The following ST8SIA6 variants were observed in gnomAD, a reference collection of about 807,000 sequenced individuals.
ST8SIA6 encodes alpha-2,8-sialyltransferase 8F.
ST8SIA6 carries 39 observed loss-of-function variants against 33.6 expected under a neutral mutation model. That is an observed-to-expected ratio of 1.16 (90% confidence interval 0.90 to 1.52). ST8SIA6 has a LOEUF of 1.52. ST8SIA6 is among the 40% of genes most tolerant of loss of function. ST8SIA6 has a pLI of 0.00. For missense variants in ST8SIA6, 441 were observed against 443.8 expected, an observed-to-expected ratio of 0.99 and a Z score of 0.06; for synonymous variants, 172 against 167.2, an observed-to-expected ratio of 1.03 and a Z score of -0.22.
intron 4 of ST8SIA6, among the ~76,000 whole-genome samples, chr10:17,354,771 A>G (rs189735292): frequency 2.2e-4 from 34 of 152,294 alleles, no homozygotes; most frequent in Non-Finnish European, 3.8e-4. Context: ...CCTTAGAAAT[A>G]CATTAGTCCA....
chr10:17,374,324 T>G (rs1480978234), intron 3 of ST8SIA6, among the ~76,000 whole-genome samples: 1 of 152,146 alleles, frequency 6.6e-6, no homozygotes, highest in Non-Finnish European at 1.5e-5. Context: ...ATGTACTCTT[T>G]GAAGTACAGA....
intron 2 of ST8SIA6, among the ~76,000 whole-genome samples, chr10:17,411,592 C>A (rs969801085): frequency 6.6e-6 from 1 of 152,194 alleles, no homozygotes; most frequent in Non-Finnish European, 1.5e-5. Context: ...TTTGGAATAA[C>A]CTGCATCTAG....
chr10:17,438,593 A>G (rs881774), intron 2 of ST8SIA6, among the ~76,000 whole-genome samples: 16,911 of 152,164 alleles, frequency 0.11, 1,017 homozygotes, highest in South Asian at 0.18. Context: ...GCTAGCTGAG[A>G]CTTTCCAGTC....
At chr10:17,422,129 G>T (rs995051344) in intron 2 of ST8SIA6, among the ~76,000 whole-genome samples, 1 of 151,880 alleles carries the variant, frequency 6.6e-6, no homozygotes, top group African/African-American at 2.4e-5. Context: ...TTAATCAAGA[G>T]AACAATCTTT....
At chr10:17,426,930 T>C (rs906899150) in intron 2 of ST8SIA6, among the ~76,000 whole-genome samples, 1 of 152,060 alleles carries the variant, frequency 6.6e-6, no homozygotes, top group African/African-American at 2.4e-5. Flanking sequence ...GGTGAAACCC[T>C]GTCTGTCCTA....
At chr10:17,346,273 A>G (rs575875083) in intron 4 of ST8SIA6, among the ~76,000 whole-genome samples, 1 of 152,320 alleles carries the variant, frequency 6.6e-6, no homozygotes, top group South Asian at 2.1e-4. Context: ...GAGCTCTCAG[A>G]TGACTCCAGT....
chr10:17,395,581 G>A lies in ST8SIA6; in HGVS notation c.201-4961C>T, dbSNP rs118100800. Among the ~76,000 whole-genome samples the A allele has an allele frequency of 4.2e-3, 641 of 152,176 alleles. 1 individual carries two copies. The highest frequency in any genetic ancestry group is 0.01 in the Middle Eastern group (3 of 294). ...TTTAATTTTATTCTAATTTTCTGTT[G>A]AAAGCACTTCTTAAAAACTTGCCAG... On this transcript the variant is annotated intron_variant, in intron 2 of 7. Coordinates refer to ENST00000377602, the MANE Select transcript of ST8SIA6 (RefSeq NM_001004470.3).
intron 4 of ST8SIA6, among the ~76,000 whole-genome samples, chr10:17,331,936 C>T (rs1251532345): frequency 3.3e-5 from 5 of 152,176 alleles, no homozygotes; most frequent in Admixed American, 2.0e-4. Context: ...TGTCCCAATG[C>T]TCTCCCTCCC....
intron 2 of ST8SIA6, among the ~76,000 whole-genome samples, chr10:17,404,098 A>G (rs746316960): frequency 3.9e-4 from 59 of 151,360 alleles, no homozygotes; most frequent in Non-Finnish European, 3.7e-4. Flanking sequence ...AATGGAGGCC[A>G]TAAGAGTGAT....
rs532249547 is a variant in ST8SIA6, at chr10:17,390,263, A to G, written c.290+268T>C. On this transcript the variant is annotated intron_variant, in intron 3 of 7. Coordinates refer to ENST00000377602, the MANE Select transcript of ST8SIA6 (RefSeq NM_001004470.3). ...CTCCCCAAGCACTGGGATTACAGCC[A>G]TGAGCCACCGCACCTGGCCCCTACA... Among the ~76,000 whole-genome samples the G allele has an allele frequency of 9.5e-4, 144 of 152,258 alleles. 1 individual carries two copies. Among genetic ancestry groups the G allele is most frequent in the Admixed American group, 3.7e-3 (56 of 15,298 alleles).
intron 2 of ST8SIA6, among the ~76,000 whole-genome samples, chr10:17,412,311 C>T (rs914171427): frequency 6.6e-6 from 1 of 152,118 alleles, no homozygotes; most frequent in Admixed American, 6.6e-5. Context: ...TTGACTAACC[C>T]AACTGCCAAG....
At chr10:17,334,479 C>T (rs1044266566) in intron 4 of ST8SIA6, among the ~76,000 whole-genome samples, 3 of 150,272 alleles carry the variant, frequency 2.0e-5, no homozygotes, top group Admixed American at 6.6e-5. Flanking sequence ...GAGGAGCTTG[C>T]AGTGAGCCGC....
rs183813007 is a variant in ST8SIA6 at position 17,447,507 on chromosome 10, C to T, written c.200+6052G>A. Among the ~76,000 whole-genome samples the T allele has an allele frequency of 1.8e-3, 268 of 150,036 alleles. 2 individuals are homozygous for T. The highest frequency in any genetic ancestry group is 3.0e-3 in the Non-Finnish European group (201 of 67,700). ...CCCTCAAATATCTAAAGTTTCATGA[C>T]TATAATCCATATTCCAATGCTAAAA... On this transcript the variant is annotated intron_variant, in intron 2 of 7. Coordinates refer to ENST00000377602, the MANE Select transcript of ST8SIA6 (RefSeq NM_001004470.3).
intron 2 of ST8SIA6, among the ~76,000 whole-genome samples, chr10:17,425,643 AAGG>A (rs1168962236): frequency 1.3e-5 from 2 of 148,282 alleles, no homozygotes; most frequent in African/African-American, 2.5e-5. Flanking sequence ...GAGAGGAAGA[AAGG>A]AGGGAGGGAG....
chr10:17,334,670 C>T (rs1355741249), intron 4 of ST8SIA6, among the ~76,000 whole-genome samples: 1 of 151,250 alleles, frequency 6.6e-6, no homozygotes, highest in African/African-American at 2.4e-5. Flanking sequence ...AAGAAATATA[C>T]AGTGAATTTT....
intron 4 of ST8SIA6, among the ~76,000 whole-genome samples, chr10:17,356,807 C>G (rs926258758): frequency 6.6e-6 from 1 of 151,994 alleles, no homozygotes. Flanking sequence ...TGGCTGTACC[C>G]TCCATGGACC....
At chr10:17,379,581 A>G (rs1850056159) in intron 3 of ST8SIA6, among the ~76,000 whole-genome samples, 1 of 152,210 alleles carries the variant, frequency 6.6e-6, no homozygotes, top group Admixed American at 6.5e-5. Context: ...AAGACTAATC[A>G]GAAACTCAAA....
At chr10:17,346,236 G>A (rs936842162) in intron 4 of ST8SIA6, among the ~76,000 whole-genome samples, 13 of 152,150 alleles carry the variant, frequency 8.5e-5, no homozygotes, top group South Asian at 4.1e-4. Context: ...ACATGTGAGC[G>A]TCACATCTTG....
chr10:17,453,560 TG>T lies in ST8SIA6; in HGVS notation c.198del (p.Asn66LysfsTer5), dbSNP rs1852999930. 8 of 1,324,616 alleles carry T rather than the reference TG, an allele frequency of 6.0e-6. No homozygotes were observed. Among genetic ancestry groups the T allele is most frequent in the Non-Finnish European group, 7.8e-6 (8 of 1,029,340 alleles). 82.1% of individuals were successfully genotyped at this position (1,324,616 alleles called of 1,614,324 possible). On this transcript the variant is annotated frameshift_variant and splice_region_variant, in exon 2 of 8. Coordinates refer to ENST00000377602, the MANE Select transcript of ST8SIA6 (RefSeq NM_001004470.3). LOFTEE classifies it high-confidence loss of function. ...CGCCCGCGCTGGGCGCCGCTGTACC[TG>T]TTAGTGGCGCGCGGTACCGCGGTCG... ...SPATAVPRATNSTYLNEKSLQ... is the reference protein window; with the variant it reads ...SPATAVPRATXSTYLNEKSLQ...
Sources: gnomAD v4.1 joint callset for allele counts (sites outside exome capture counted in the v4.1 genomes callset) on GRCh38, gnomAD v4.1.1 for gene constraint, MANE v1.5 for transcripts, NCBI Gene and HGNC (gene_info 2026-07-23, HGNC 2026-07-21) for gene names.